Variants in GPHB5 observed in about 807,000 individuals in gnomAD.
GPHB5 encodes the protein glycoprotein hormone beta-5.
A neutral mutation model predicts 10.1 loss-of-function variants in GPHB5; 7 were observed. That is an observed-to-expected ratio of 0.69 (90% confidence interval 0.39 to 1.30). The LOEUF is 1.30. Ranked by LOEUF, GPHB5 falls within the 50% of genes most tolerant of loss-of-function variation. GPHB5 has a pLI of 0.01. For synonymous variants in GPHB5, 68 were observed against 70.1 expected, an observed-to-expected ratio of 0.97 and a Z score of 0.15; for missense variants, 161 against 169.8, an observed-to-expected ratio of 0.95 and a Z score of 0.29.
chr14:63,312,837 G>T lies in GPHB5; in HGVS notation c.*91C>A. 8.2e-7 allele frequency: 1 copy of T among 1,217,034 alleles called. No individual in the cohort carries two copies. Among genetic ancestry groups the T allele is most frequent in the Non-Finnish European group, 1.1e-6 (1 of 897,054 alleles). The allele number at this position is 1,217,034 out of a possible 1,614,324, so 75.4% of individuals were successfully genotyped here. ...GGGGCGACAGGTAACCTCCTCCATG[G>T]GTGTGGTCGAAATTAAACAGTCTTG... On this transcript the variant is annotated 3_prime_UTR_variant, in exon 3 of 3. Transcript: ENST00000621500.
chr14:63,317,900 T>C (rs1882801309), intron 1 of GPHB5, 50 bp from the exon 2 acceptor site: 1 of 1,539,824 alleles, frequency 6.5e-7, no homozygotes, highest in Non-Finnish European at 8.9e-7. Context: ...CTGGCTGCCT[T>C]CAATGGCACA....
chr14:63,317,107 G>T (rs569652428), intron 2 of GPHB5, among the ~76,000 whole-genome samples: 1 of 152,172 alleles, frequency 6.6e-6, no homozygotes, highest in Non-Finnish European at 1.5e-5. Flanking sequence ...ACCCCAGAGG[G>T]CTCCCAGAGA....
chr14:63,317,646 C>T lies in GPHB5; in HGVS notation c.204G>A (p.Glu68=), dbSNP rs1359830617. ...TCATCTGCACAACTTAGCAACTCAC[C>T]TCCCAGGTCTCACAGCGACCCCAGC... ...DACWGRCETW[E]KPILEPPYIE... The change falls in exon 2 of 3, where the codon GAG becomes GAA. Residue 68 remains glutamate (E), a splice_region_variant and synonymous_variant. Coordinates refer to ENST00000621500, the MANE Select transcript of GPHB5 (RefSeq NM_145171.4). 4 of 1,613,764 alleles carry T rather than the reference C, an allele frequency of 2.5e-6. No homozygotes were observed. The highest frequency in any genetic ancestry group is 2.2e-5 in the South Asian group (2 of 91,070).
At chr14:63,318,052 C>T (rs1882804943) in intron 1 of GPHB5, among the ~76,000 whole-genome samples, 3 of 152,186 alleles carry the variant, frequency 2.0e-5, no homozygotes, top group Admixed American at 6.5e-5. Flanking sequence ...GATTCCATGG[C>T]CCTCTCTAGA....
At chr14:63,315,066 C>T (rs542363494) in intron 2 of GPHB5, among the ~76,000 whole-genome samples, 1 of 151,978 alleles carries the variant, frequency 6.6e-6, no homozygotes, top group Non-Finnish European at 1.5e-5. Flanking sequence ...CCATGCCCGG[C>T]TAATTTTTGT....
intron 2 of GPHB5, among the ~76,000 whole-genome samples, chr14:63,316,950 T>C (rs1416461120): frequency 1.3e-5 from 2 of 152,230 alleles, no homozygotes; most frequent in African/African-American, 2.4e-5. Flanking sequence ...TGAATAGCTC[T>C]CTTCCTCTTC....
chr14:63,317,992 AC>A, intron 1 of GPHB5, 142 bp from the exon 2 acceptor site: 1 of 692,868 alleles, frequency 1.4e-6, no homozygotes, highest in South Asian at 1.9e-5. Context: ...GTAAATGCCC[AC>A]AAACTCCAAC....
rs191071731 is a variant in GPHB5 at position 63,317,738 on chromosome 14, C to A, written c.112G>T (p.Val38Leu). The A allele has an allele frequency of 1.2e-6, 2 of 1,614,028 alleles. No individual in the cohort carries two copies. The highest frequency in any genetic ancestry group is 1.7e-6 in the Non-Finnish European group (2 of 1,179,894). ...TTGGCCAGGAAAGTAAACTCCCTCA[C>A]GGCACAGCCCACAAAGGTGCGCAGG... ...GNLRTFVGCA[V>L]REFTFLAKKP... is the part of the protein sequence containing the mutation. The change falls in exon 2 of 3, where the codon GTG becomes TTG. Residue 38 changes from valine (V) to leucine (L), a missense_variant. By Grantham distance (32) the Val-to-Leu change is conservative. Coordinates refer to ENST00000621500, the MANE Select transcript of GPHB5 (RefSeq NM_145171.4).
chr14:63,317,761 A>T lies in GPHB5; in HGVS notation c.89T>A (p.Leu30Gln). 1 of 1,614,060 alleles carries T rather than the reference A, an allele frequency of 6.2e-7. No individual in the cohort carries two copies. The highest frequency in any genetic ancestry group is 1.3e-5 in the African/African-American group (1 of 75,060). The part of the protein sequence containing the change: ...GCVLGASSGN[L>Q]RTFVGCAVRE... ...CACGGCACAGCCCACAAAGGTGCGC[A>T]GGTTCCCACTGGAGGCACCGAGGAC... Residue 30 changes from leucine to glutamine, a missense_variant, in exon 2 of 3, where the codon CTG becomes CAG. Physicochemically the swap from Leu to Gln is moderately radical, Grantham distance 113 (BLOSUM62 -2). Coordinates refer to ENST00000621500, the MANE Select transcript of GPHB5 (RefSeq NM_145171.4).
chr14:63,315,345 A>C (rs551865448), intron 2 of GPHB5, among the ~76,000 whole-genome samples: 26 of 152,170 alleles, frequency 1.7e-4, no homozygotes, highest in Non-Finnish European at 3.2e-4. Context: ...CGCCCCGTAA[A>C]ATTTCATTTT....
intron 2 of GPHB5, among the ~76,000 whole-genome samples, chr14:63,315,063 C>G (rs1035212780): frequency 6.6e-6 from 1 of 151,850 alleles, no homozygotes; most frequent in Non-Finnish European, 1.5e-5. Flanking sequence ...CCACCATGCC[C>G]GGCTAATTTT....
chr14:63,316,480 C>T (rs1041722302), intron 2 of GPHB5, among the ~76,000 whole-genome samples: 1 of 152,108 alleles, frequency 6.6e-6, no homozygotes, highest in South Asian at 2.1e-4. Flanking sequence ...TAAGAATGAA[C>T]CTCTGTCCTG....
chr14:63,313,064 T>A lies in GPHB5; in HGVS notation c.257A>T (p.Tyr86Phe). Residue 86 changes from tyrosine to phenylalanine, a missense_variant, in exon 3 of 3, where the codon TAC becomes TTC. Tyr to Phe is a conservative substitution (Grantham distance 22). Coordinates refer to ENST00000621500, the MANE Select transcript of GPHB5 (RefSeq NM_145171.4). Reference protein sequence around the residue: ...YIEAHHRVCTYNETKQVTVKL... With the variant: ...YIEAHHRVCTFNETKQVTVKL... ...GACAGTCACCTGTTTGGTCTCGTTGTAGGTACAGACTCGATGATGGGCTTC... is the reference window on the plus strand; with the variant it reads ...GACAGTCACCTGTTTGGTCTCGTTGAAGGTACAGACTCGATGATGGGCTTC... 6.2e-7 allele frequency: 1 copy of A among 1,607,580 alleles called. No individual in the cohort carries two copies.
intron 1 of GPHB5, among the ~76,000 whole-genome samples, chr14:63,318,139 A>G (rs527897884): frequency 6.6e-6 from 1 of 152,358 alleles, no homozygotes; most frequent in Non-Finnish European, 1.5e-5. Context: ...GTGTTAAAGA[A>G]GTTTGTCCCA....
In GPHB5 at chr14:63,313,137, C is replaced by G; in HGVS notation, c.205-21G>C. The G allele has an allele frequency of 3.3e-6, 5 of 1,510,984 alleles. No individual in the cohort carries two copies. In the South Asian group the frequency reaches 4.9e-5, roughly 15 times the overall value. 93.6% of individuals were successfully genotyped at this position (1,510,984 alleles called of 1,614,324 possible). On this transcript the variant is annotated intron_variant, in intron 2 of 2. Coordinates refer to ENST00000621500, the MANE Select transcript of GPHB5 (RefSeq NM_145171.4). ...GGTTTCTGTCCCCATAGATAGAAAA[C>G]AGAGAATTCATTAGAACATATGATC... is the stretch of plus-strand genomic sequence containing the variant.
chr14:63,313,705 G>A (rs954384601), intron 2 of GPHB5, among the ~76,000 whole-genome samples: 1 of 152,000 alleles, frequency 6.6e-6, no homozygotes, highest in Admixed American at 6.6e-5. Flanking sequence ...TGCACTTACC[G>A]TTCCTTCTGC....
At chr14:63,318,106 C>T (rs1395438217) in intron 1 of GPHB5, among the ~76,000 whole-genome samples, 1 of 152,220 alleles carries the variant, frequency 6.6e-6, no homozygotes, top group Non-Finnish European at 1.5e-5. Context: ...CTTATTGTAA[C>T]TTAACTGCTG....
rs572176987 is a variant in GPHB5 at position 63,318,312 on chromosome 14, G to A, written c.-1-462C>T. Among the ~76,000 whole-genome samples, 44 of 152,308 alleles carry A rather than the reference G, an allele frequency of 2.9e-4. 1 individual carries two copies. In the South Asian group the frequency reaches 8.9e-3, roughly 31 times the overall value. On this transcript the variant is annotated intron_variant, in intron 1 of 2. Transcript: ENST00000621500. Reference sequence around the variant, plus strand: ...ACTATATTTTCAGTGTCATGATGGGGAATGATTTGGAGGGGTTGATAAATA... The same window carrying A: ...ACTATATTTTCAGTGTCATGATGGGAAATGATTTGGAGGGGTTGATAAATA...
intron 2 of GPHB5, among the ~76,000 whole-genome samples, chr14:63,316,882 G>A (rs569161416): frequency 6.6e-6 from 1 of 152,300 alleles, no homozygotes; most frequent in East Asian, 1.9e-4. Flanking sequence ...GTTACCAAGT[G>A]GGCAGGCCTC....
Sources: gnomAD v4.1 joint callset for allele counts (sites outside exome capture counted in the v4.1 genomes callset) on GRCh38, gnomAD v4.1.1 for gene constraint, MANE v1.5 for transcripts, NCBI Gene and HGNC (gene_info 2026-07-23, HGNC 2026-07-21) for gene names.